Variants in AIMP2 observed in about 807,000 individuals in gnomAD.
AIMP2 encodes aminoacyl tRNA synthetase complex interacting multifunctional protein 2, also known as aminoacyl tRNA synthase complex-interacting multifunctional protein 2.
AIMP2 carries 20 observed loss-of-function variants against 23.4 expected under a neutral mutation model. That is an observed-to-expected ratio of 0.85 (90% CI 0.60 to 1.24). The LOEUF (loss-of-function observed/expected upper bound fraction) is 1.24, where lower values mean the gene tolerates loss of function less well. Among genes scored for constraint, AIMP2 ranks in the 50% most tolerant of loss-of-function variants. AIMP2 has a pLI of 0.00. For synonymous variants in AIMP2, 210 were observed against 170.4 expected, an observed-to-expected ratio of 1.23 and a Z score of -1.81; for missense variants, 515 against 414.5, an observed-to-expected ratio of 1.24 and a Z score of -2.10.
rs6977072 is a variant in AIMP2, at chr7:6,009,472, C to G, written c.109C>G (p.Pro37Ala). The G allele has an allele frequency of 4.9e-4, 783 of 1,589,830 alleles. 4 individuals are homozygous for G. The African/African-American group carries it at 9.4e-3, about 19-fold the overall frequency. Residue 37 changes from proline to alanine, a missense_variant, in exon 1 of 4, where the codon CCA becomes GCA. Coordinates refer to ENST00000223029, the MANE Select transcript of AIMP2 (RefSeq NM_006303.4). ...CAACGTGCACGGCAGGAGCTACGGCCCAGCGCCGGGCGCTGGCCACGTGCA... is the reference window on the plus strand; with the variant it reads ...CAACGTGCACGGCAGGAGCTACGGCGCAGCGCCGGGCGCTGGCCACGTGCA... Reference protein sequence around the residue: ...LPNVHGRSYGPAPGAGHVQEE... With the variant: ...LPNVHGRSYGAAPGAGHVQEE...
rs137867185 is a variant in AIMP2 at position 6,017,873 on chromosome 7, C to G, written c.402C>G (p.Ser134=). Residue 134 remains serine, a synonymous_variant, in exon 3 of 4, where the codon TCC becomes TCG. Transcript: ENST00000223029. Reference sequence around the variant, plus strand: ...CAAACCCGGCCTCCCCTCCCCTCTCCCTGCTTGTGCTGCACAGGCTGCTCT... The same window carrying G: ...CAAACCCGGCCTCCCCTCCCCTCTCGCTGCTTGTGCTGCACAGGCTGCTCT... ...INANPASPPL[S]LLVLHRLLCE... 132 of 1,614,028 alleles carry G rather than the reference C, an allele frequency of 8.2e-5. No individual in the cohort carries two copies. In the South Asian group the frequency reaches 1.4e-3, roughly 17 times the overall value.
intron 3 of AIMP2, among the ~76,000 whole-genome samples, chr7:6,021,952 T>C (rs573496834): frequency 6.3e-4 from 96 of 152,288 alleles, no homozygotes; most frequent in Non-Finnish European, 1.0e-3. Flanking sequence ...CCTGCCTCCC[T>C]TTCTACCTCC....
intron 3 of AIMP2, among the ~76,000 whole-genome samples, chr7:6,021,271 G>C (rs1787389283): frequency 6.6e-6 from 1 of 150,516 alleles, no homozygotes; most frequent in Admixed American, 6.7e-5. Flanking sequence ...TTGAACCCAG[G>C]AGGTGAAGGT....
At chr7:6,018,355 G>T (rs536937738) in intron 3 of AIMP2, among the ~76,000 whole-genome samples, 1 of 149,822 alleles carries the variant, frequency 6.7e-6, no homozygotes, top group African/African-American at 2.4e-5. Context: ...TCACTATATT[G>T]GTCAGGCTGG....
chr7:6,021,663 C>A (rs995421716), intron 3 of AIMP2, among the ~76,000 whole-genome samples: 3 of 152,096 alleles, frequency 2.0e-5, no homozygotes, highest in Admixed American at 2.0e-4. Context: ...AGAAGTGCTT[C>A]CAAACCAGTG....
intron 1 of AIMP2, among the ~76,000 whole-genome samples, chr7:6,011,166 A>G (rs1786665680): frequency 6.6e-6 from 1 of 152,100 alleles, no homozygotes; most frequent in African/African-American, 2.4e-5. Flanking sequence ...TATACAGAGG[A>G]GCAGGCATGG....
intron 1 of AIMP2, chr7:6,012,991 A>C: frequency 1.0e-6 from 1 of 971,012 alleles, no homozygotes; most frequent in Non-Finnish European, 1.2e-6. Flanking sequence ...CCGAAGGTAA[A>C]TAGGAGTTAA....
chr7:6,012,554 G>C, intron 1 of AIMP2: 1 of 196,038 alleles, frequency 5.1e-6, no homozygotes. Context: ...CTTCATTCCT[G>C]ACCGAGGTTT....
chr7:6,017,667 G>C (rs1488173117), intron 2 of AIMP2, 147 bp from the exon 3 acceptor site: 1 of 672,930 alleles, frequency 1.5e-6, no homozygotes. Context: ...ATAAGTTACT[G>C]GCTGCAACGT....
In AIMP2 at chr7:6,015,045, G is replaced by A. The variant is rs574362713; in HGVS notation, c.136-101G>A. ...CATAATGTCTTCTTTTAAAGGGTGG[G>A]AGGTTTGGTGAGTGCATGGCAAAGT... On this transcript the variant is annotated intron_variant, in intron 1 of 3. Coordinates refer to ENST00000223029, the MANE Select transcript of AIMP2 (RefSeq NM_006303.4). The A allele has an allele frequency of 3.4e-5, 53 of 1,581,786 alleles. 1 individual carries two copies. In the South Asian group the frequency reaches 5.8e-4, roughly 17 times the overall value.
intron 1 of AIMP2, among the ~76,000 whole-genome samples, chr7:6,011,097 G>A (rs1028446380): frequency 1.3e-5 from 2 of 152,092 alleles, no homozygotes; most frequent in Non-Finnish European, 2.9e-5. Flanking sequence ...TGCTTGCTCA[G>A]GGACACTGGA....
chr7:6,010,981 C>T (rs771033422), intron 1 of AIMP2, among the ~76,000 whole-genome samples: 4 of 152,138 alleles, frequency 2.6e-5, no homozygotes, highest in East Asian at 3.9e-4. Flanking sequence ...GCTTCTTTTT[C>T]GTAGATATTA....
At chr7:6,021,279 G>A (rs1344042256) in intron 3 of AIMP2, among the ~76,000 whole-genome samples, 3 of 146,524 alleles carry the variant, frequency 2.0e-5, no homozygotes, top group Non-Finnish European at 4.5e-5. Context: ...AGGAGGTGAA[G>A]GTTGTAGTGA....
At chr7:6,018,122 T>G (rs1787143830) in intron 3 of AIMP2, 77 bp downstream of exon 3, 7 of 1,149,566 alleles carry the variant, frequency 6.1e-6, no homozygotes, top group Non-Finnish European at 8.6e-6. Flanking sequence ...ATGAGTCCAT[T>G]TACATGTGGA....
rs1260236487 is a variant in AIMP2 at position 6,018,063 on chromosome 7, A to C, written c.574+18A>C. On this transcript the variant is annotated intron_variant, in intron 3 of 3. Transcript: ENST00000223029. ...GAAGAATGGTAAGTAGACGGGACTGAGTTCAACTTACACACAGCTGCCCCT... is the reference window on the plus strand; with the variant it reads ...GAAGAATGGTAAGTAGACGGGACTGCGTTCAACTTACACACAGCTGCCCCT... 1 of 1,592,172 alleles carries C rather than the reference A, an allele frequency of 6.3e-7. No individual in the cohort carries two copies. Among genetic ancestry groups the C allele is most frequent in the Non-Finnish European group, 8.6e-7 (1 of 1,163,300 alleles).
In AIMP2 at chr7:6,015,357, G is replaced by T. The variant is rs780796147; in HGVS notation, c.342+5G>T. On this transcript the variant is annotated splice_donor_5th_base_variant and intron_variant, in intron 2 of 3. Transcript: ENST00000223029. The stretch of plus-strand genomic sequence containing the variant: ...TTGAATTCAGTGCTTGGGAAGGTAG[G>T]TTCGTTTTGAAAGCTGAAACGTTAG... 1 of 1,613,924 alleles carries T rather than the reference G, an allele frequency of 6.2e-7. No homozygotes were observed.
At position 6,015,188 on chromosome 7, in the gene AIMP2, G is replaced by A; in HGVS notation, c.178G>A (p.Asp60Asn). The change falls in exon 2 of 4, where the codon GAT becomes AAT. Residue 60 changes from aspartate to asparagine, a missense_variant. Transcript: ENST00000223029. Reference sequence around the variant, plus strand: ...TCTGCAAGCTCTTGAGTCCCGCCAAGATGATATTTTAAAACGTCTGTATGA... The same window carrying A: ...TCTGCAAGCTCTTGAGTCCCGCCAAAATGATATTTTAAAACGTCTGTATGA... ...LSLQALESRQDDILKRLYELK... is the reference protein window; with the variant it reads ...LSLQALESRQNDILKRLYELK... The A allele has an allele frequency of 6.2e-7, 1 of 1,614,160 alleles. No individual in the cohort carries two copies. The highest frequency in any genetic ancestry group is 2.2e-5 in the East Asian group (1 of 44,886).
intron 1 of AIMP2, among the ~76,000 whole-genome samples, chr7:6,011,644 A>C (rs1324628833): frequency 6.6e-6 from 1 of 152,170 alleles, no homozygotes; most frequent in Non-Finnish European, 1.5e-5. Flanking sequence ...TTGAAACCCA[A>C]TAACACAACT....
Position 6,019,461 on chromosome 7 carries a change from G to A in AIMP2, c.574+1416G>A, listed in dbSNP as rs548420170. Among the ~76,000 whole-genome samples, 22 of 147,178 alleles carry A rather than the reference G, an allele frequency of 1.5e-4. No individual in the cohort carries two copies. In the South Asian group the frequency reaches 2.0e-3, roughly 13 times the overall value. Reference sequence around the variant, plus strand: ...GATCACGCCAGCGCACTCCAGCCTGGGCGACACAGCAAGACTCCGTCTCAA... The same window carrying A: ...GATCACGCCAGCGCACTCCAGCCTGAGCGACACAGCAAGACTCCGTCTCAA... On this transcript the variant is annotated intron_variant, in intron 3 of 3. Coordinates refer to ENST00000223029, the MANE Select transcript of AIMP2 (RefSeq NM_006303.4).
Sources: allele counts gnomAD v4.1 joint callset (sites outside exome capture counted in the v4.1 genomes callset), GRCh38; gene constraint gnomAD v4.1.1; transcripts MANE v1.5; gene names NCBI Gene and HGNC (gene_info 2026-07-23, HGNC 2026-07-21).